The following AMTN variants were observed in gnomAD, a reference collection of about 807,000 sequenced individuals.
AMTN encodes the protein amelotin.
Under a neutral mutation model 27.4 loss-of-function variants are expected in AMTN, and 29 were observed. The observed-to-expected ratio is 1.06, with a 90% CI of 0.79 to 1.44. The LOEUF (loss-of-function observed/expected upper bound fraction) is 1.44. Among genes scored for constraint, AMTN ranks in the 40% most tolerant of loss-of-function variants. AMTN has a pLI of 0.00. For missense variants in AMTN, 247 were observed against 248.8 expected (o/e 0.99, Z 0.05); for synonymous variants, 86 against 95.7 (o/e 0.90, Z 0.59).
chr4:70,520,887 A>C (rs1211662744), intron 2 of AMTN, among the ~76,000 whole-genome samples: 1 of 152,182 alleles, frequency 6.6e-6, no homozygotes, highest in Non-Finnish European at 1.5e-5. Context: ...TCAGGGAAAG[A>C]ACATTCCAGA....
intron 5 of AMTN, among the ~76,000 whole-genome samples, chr4:70,528,265 A>C (rs1167394683): frequency 6.6e-6 from 1 of 152,186 alleles, no homozygotes; most frequent in Non-Finnish European, 1.5e-5. Flanking sequence ...GAAAAGTTCC[A>C]AACTCCCATC....
rs28417466 is a variant in AMTN, at chr4:70,520,261, C to T, written c.54+1430C>T. Among the ~76,000 whole-genome samples, 520 of 152,038 alleles carry T rather than the reference C, an allele frequency of 3.4e-3. 2 individuals carry two copies. Among genetic ancestry groups the T allele is most frequent in the African/African-American group, 0.012 (505 of 41,440 alleles). ...CTAGTGGGGCAGGGCAGCAGGGAGG[C>T]GACACTGAAATGTCTATTCAGTATG... On this transcript the variant is annotated intron_variant, in intron 2 of 8. Coordinates refer to ENST00000339336, the MANE Select transcript of AMTN (RefSeq NM_212557.4).
intron 6 of AMTN, among the ~76,000 whole-genome samples, 175 bp from the exon 7 acceptor site, chr4:70,529,009 C>T (rs1376218475): frequency 6.6e-6 from 1 of 152,142 alleles, no homozygotes; most frequent in Non-Finnish European, 1.5e-5. Flanking sequence ...AGTCTCACAT[C>T]ATATGCTGAC....
intron 7 of AMTN, among the ~76,000 whole-genome samples, chr4:70,529,908 C>G (rs1736183123): frequency 6.6e-6 from 1 of 152,208 alleles, no homozygotes. Context: ...GGGCTAGTGT[C>G]TGTTTTGCCA....
intron 6 of AMTN, 79 bp downstream of exon 6, chr4:70,528,837 A>C: frequency 8.0e-7 from 1 of 1,256,368 alleles, no homozygotes; most frequent in Admixed American, 2.5e-5. Context: ...AATTCACTAG[A>C]TAGTTGTGAG....
chr4:70,519,699 T>TTTTTTTA (rs10556654), intron 2 of AMTN, among the ~76,000 whole-genome samples: 94,356 of 146,206 alleles, frequency 0.65, 29,935 homozygotes, highest in Non-Finnish European at 0.68. Flanking sequence ...TAGACATTAA[T>TTTTTTTA]TTTTTTTTTA....
intron 4 of AMTN, 111 bp downstream of exon 4, chr4:70,524,044 A>G: frequency 1.3e-6 from 1 of 790,182 alleles, no homozygotes; most frequent in South Asian, 1.9e-5. Flanking sequence ...ATGAAAACAC[A>G]CATATACTTA....
chr4:70,527,376 T>C (rs1436170952), intron 5 of AMTN, among the ~76,000 whole-genome samples: 1 of 152,236 alleles, frequency 6.6e-6, no homozygotes, highest in Non-Finnish European at 1.5e-5. Flanking sequence ...TATCTTTTTG[T>C]TCTTTCCACT....
chr4:70,518,864 C>G (rs1279878961), intron 2 of AMTN, 33 bp downstream of exon 2: 1 of 1,541,472 alleles, frequency 6.5e-7, no homozygotes, highest in Non-Finnish European at 9.0e-7. Context: ...ATATGCCAGC[C>G]AGTTTCAACA....
chr4:70,532,106 C>T (rs539827863), intron 8 of AMTN, among the ~76,000 whole-genome samples: 1 of 152,310 alleles, frequency 6.6e-6, no homozygotes, highest in African/African-American at 2.4e-5. Flanking sequence ...GACCCTGTCT[C>T]CACTCACTGA....
intron 2 of AMTN, among the ~76,000 whole-genome samples, chr4:70,519,680 C>G (rs1735905855): frequency 6.8e-6 from 1 of 147,774 alleles, no homozygotes; most frequent in Non-Finnish European, 1.5e-5. Flanking sequence ...ATGGTGTTCA[C>G]AAGGATTGTA....
chr4:70,527,638 A>G (rs142197040), intron 5 of AMTN, among the ~76,000 whole-genome samples: 1 of 152,316 alleles, frequency 6.6e-6, no homozygotes, highest in Non-Finnish European at 1.5e-5. Context: ...TTAACAGTCT[A>G]TTTCATAAGA....
rs763143860 is a variant in AMTN, at chr4:70,521,640, C to CTTTTT, written c.55-1083_55-1079dup. ...CCTAGAACAGATAATACCAACCTCT[C>CTTTTT]TTTTTTTTTTTTTTTTTTTTTTTTT... On this transcript the variant is annotated intron_variant, in intron 2 of 8. Transcript: ENST00000339336. Among the ~76,000 whole-genome samples the CTTTTT allele has an allele frequency of 3.4e-3, 261 of 76,476 alleles. 42 individuals are homozygous for CTTTTT. Among genetic ancestry groups the CTTTTT allele is most frequent in the Middle Eastern group, 0.018 (2 of 112 alleles). 50.2% of individuals were successfully genotyped at this position (76,476 alleles called of 152,430 possible).
At chr4:70,522,051 C>T (rs1030049249) in intron 2 of AMTN, among the ~76,000 whole-genome samples, 1 of 152,142 alleles carries the variant, frequency 6.6e-6, no homozygotes, top group African/African-American at 2.4e-5. Flanking sequence ...CAGGATGCCT[C>T]CAGGAGCAAA....
At position 70,532,436 on chromosome 4, in the gene AMTN, G is replaced by A. The variant is rs1736245196; in HGVS notation, c.620-19G>A. The A allele has an allele frequency of 6.3e-7, 1 of 1,585,676 alleles. No homozygotes were observed. Among genetic ancestry groups the A allele is most frequent in the Non-Finnish European group, 8.6e-7 (1 of 1,160,340 alleles). ...TATACTTTTTACCTACATTTAAAAG[G>A]TGTTTTATTTTCTTCCAGGAATTCA... On this transcript the variant is annotated intron_variant, in intron 8 of 8. Transcript: ENST00000339336.
At chr4:70,519,261 C>T (rs1316722603) in intron 2 of AMTN, among the ~76,000 whole-genome samples, 10 of 151,968 alleles carry the variant, frequency 6.6e-5, no homozygotes, top group Admixed American at 6.6e-4. Context: ...AAAAGACCAC[C>T]AAAACATATG....
At position 70,523,854 on chromosome 4, in the gene AMTN, T is replaced by G; in HGVS notation, c.139-14T>G. ...CAACCTCTTGTCTCATACATCACTTTCAATCCCCTGCAGGTCTTTCCTTCT... is the reference window on the plus strand; with the variant it reads ...CAACCTCTTGTCTCATACATCACTTGCAATCCCCTGCAGGTCTTTCCTTCT... On this transcript the variant is annotated splice_polypyrimidine_tract_variant and intron_variant, in intron 3 of 8. Transcript: ENST00000339336. 1 of 1,612,524 alleles carries G rather than the reference T, an allele frequency of 6.2e-7. No homozygotes were observed. Among genetic ancestry groups the G allele is most frequent in the Non-Finnish European group, 8.5e-7 (1 of 1,178,706 alleles).
chr4:70,521,640 C>CTTTTTTTTTTTTT lies in AMTN; in HGVS notation c.55-1091_55-1079dup, dbSNP rs763143860. On this transcript the variant is annotated intron_variant, in intron 2 of 8. Coordinates refer to ENST00000339336, the MANE Select transcript of AMTN (RefSeq NM_212557.4). Reference sequence around the variant, plus strand: ...CCTAGAACAGATAATACCAACCTCTCTTTTTTTTTTTTTTTTTTTTTTTTT... The same window carrying CTTTTTTTTTTTTT: ...CCTAGAACAGATAATACCAACCTCTCTTTTTTTTTTTTTTTTTTTTTTTTTTTTTTTTTTTTTT... Among the ~76,000 whole-genome samples, 60 of 76,478 alleles carry CTTTTTTTTTTTTT rather than the reference C, an allele frequency of 7.8e-4. 11 individuals carry two copies. The highest frequency in any genetic ancestry group is 2.1e-3 in the East Asian group (4 of 1,884). The allele number at this position is 76,478 out of a possible 152,430, so 50.2% of individuals were successfully genotyped here.
chr4:70,531,977 C>T (rs1736235391), intron 8 of AMTN, among the ~76,000 whole-genome samples: 1 of 152,204 alleles, frequency 6.6e-6, no homozygotes, highest in African/African-American at 2.4e-5. Flanking sequence ...TAATTGTTGG[C>T]ATAACACATG....
Sources: gnomAD v4.1 joint callset for allele counts (sites outside exome capture counted in the v4.1 genomes callset) on GRCh38, gnomAD v4.1.1 for gene constraint, MANE v1.5 for transcripts, NCBI Gene and HGNC (gene_info 2026-07-23, HGNC 2026-07-21) for gene names.